SNTG1: variants seen among roughly 807,000 people sequenced by gnomAD.
SNTG1 encodes the protein gamma-1-syntrophin.
A neutral mutation model predicts 74.7 loss-of-function variants in SNTG1; 39 were observed. The ratio of observed to expected loss-of-function variants is 0.52; its 90% confidence interval spans 0.40 to 0.68. The LOEUF is 0.68. Among genes scored for constraint, SNTG1 ranks in the 30% least tolerant of loss-of-function variants. SNTG1 has a pLI of 0.00. For synonymous variants in SNTG1, 254 were observed against 217.1 expected (o/e 1.17, Z -1.49); for missense variants, 685 against 609.5 (o/e 1.12, Z -1.30).
chr8:50,732,491 C>A (rs2095515320), intron 17 of SNTG1, among the ~76,000 whole-genome samples: 1 of 151,818 alleles, frequency 6.6e-6, no homozygotes, highest in African/African-American at 2.4e-5. Context: ...CTACATAATA[C>A]TCATCAGCAT....
At chr8:50,509,698 T>G (rs147008430) in intron 9 of SNTG1, among the ~76,000 whole-genome samples, 3 of 152,022 alleles carry the variant, frequency 2.0e-5, no homozygotes, top group South Asian at 4.1e-4. Flanking sequence ...GGAGTTCACT[T>G]ATGATTTGGC....
rs532262138 is a variant in SNTG1 at position 50,038,745 on chromosome 8, G to T, written c.-103+126514G>T. On this transcript the variant is annotated intron_variant, in intron 1 of 18. Coordinates refer to ENST00000642720, the MANE Select transcript of SNTG1 (RefSeq NM_018967.5). Reference sequence around the variant, plus strand: ...AGAAGTGTCTCCCACCTGTGAGTCAGATCTACTGACACAGATATAAAGACA... The same window carrying T: ...AGAAGTGTCTCCCACCTGTGAGTCATATCTACTGACACAGATATAAAGACA... 3.3e-5 allele frequency among the ~76,000 whole-genome samples: 5 copies of T among 152,290 alleles called. No homozygotes were observed. In the South Asian group the frequency reaches 1.0e-3, roughly 32 times the overall value.
chr8:50,098,131 A>G (rs2079996166), intron 1 of SNTG1, among the ~76,000 whole-genome samples: 1 of 152,158 alleles, frequency 6.6e-6, no homozygotes, highest in Non-Finnish European at 1.5e-5. Context: ...AGACATAAAA[A>G]TATTTATCTT....
intron 8 of SNTG1, among the ~76,000 whole-genome samples, chr8:50,484,978 G>A (rs575297683): frequency 6.0e-4 from 91 of 152,176 alleles, no homozygotes; most frequent in African/African-American, 1.9e-3. Flanking sequence ...CATTTCATGC[G>A]CAATGATTGC....
intron 9 of SNTG1, among the ~76,000 whole-genome samples, chr8:50,507,136 AT>A (rs1006402227): frequency 1.3e-5 from 2 of 151,362 alleles, no homozygotes; most frequent in Non-Finnish European, 2.9e-5. Flanking sequence ...ACATAGATAG[AT>A]TTTTTTTCAT....
intron 2 of SNTG1, among the ~76,000 whole-genome samples, chr8:50,271,951 C>A (rs889413903): frequency 3.3e-5 from 5 of 152,050 alleles, no homozygotes; most frequent in African/African-American, 9.7e-5. Flanking sequence ...ATAAAAGAGA[C>A]CCCAGGGAGC....
chr8:50,147,726 C>T (rs1466138668), intron 1 of SNTG1, among the ~76,000 whole-genome samples: 1 of 152,130 alleles, frequency 6.6e-6, no homozygotes, highest in East Asian at 1.9e-4. Context: ...ATAACAGATA[C>T]AGACAGATAC....
At chr8:50,791,110 G>A (rs2095689529) in intron 18 of SNTG1, among the ~76,000 whole-genome samples, 1 of 151,896 alleles carries the variant, frequency 6.6e-6, no homozygotes, top group Non-Finnish European at 1.5e-5. Flanking sequence ...TGGGAAGATA[G>A]AGAAAGTATT....
At chr8:50,503,515 T>C (rs1460059307) in intron 9 of SNTG1, among the ~76,000 whole-genome samples, 2 of 152,196 alleles carry the variant, frequency 1.3e-5, no homozygotes, top group African/African-American at 4.8e-5. Context: ...CTTACAATCA[T>C]AAAACTGTTC....
intron 17 of SNTG1, among the ~76,000 whole-genome samples, chr8:50,743,385 G>T (rs902438009): frequency 1.3e-5 from 2 of 151,760 alleles, no homozygotes; most frequent in African/African-American, 4.8e-5. Context: ...CACCTTAATA[G>T]AATGAAGTTT....
chr8:50,780,727 AT>A (rs2095656723), intron 18 of SNTG1, among the ~76,000 whole-genome samples: 1 of 151,628 alleles, frequency 6.6e-6, no homozygotes. Flanking sequence ...GATTTTAGTT[AT>A]TTCTTGCCTT....
chr8:50,732,690 T>C (rs2095515766), intron 17 of SNTG1, among the ~76,000 whole-genome samples: 1 of 151,872 alleles, frequency 6.6e-6, no homozygotes, highest in Non-Finnish European at 1.5e-5. Context: ...TGTACTAAAA[T>C]TTTACAACGT....
At chr8:49,971,808 G>A (rs556403091) in intron 1 of SNTG1, among the ~76,000 whole-genome samples, 2 of 152,136 alleles carry the variant, frequency 1.3e-5, no homozygotes, top group Non-Finnish European at 2.9e-5. Flanking sequence ...CAGCTTACAA[G>A]GGAAGTGAAG....
intron 1 of SNTG1, among the ~76,000 whole-genome samples, chr8:50,022,792 A>C (rs1816940215): frequency 6.6e-6 from 1 of 152,164 alleles, no homozygotes; most frequent in South Asian, 2.1e-4. Context: ...CAAAATGCAC[A>C]GTTCTTGGTT....
At chr8:50,152,108 T>C (rs1461245520) in intron 1 of SNTG1, among the ~76,000 whole-genome samples, 1 of 152,208 alleles carries the variant, frequency 6.6e-6, no homozygotes, top group African/African-American at 2.4e-5. Context: ...ATTGGGTGCA[T>C]ATATATTTAA....
intron 2 of SNTG1, among the ~76,000 whole-genome samples, chr8:50,354,409 T>C (rs1399108272): frequency 1.3e-5 from 2 of 152,178 alleles, no homozygotes; most frequent in Non-Finnish European, 2.9e-5. Context: ...TTTTTCCATT[T>C]TTTGTACTAG....
At chr8:50,282,882 A>T (rs1250126001) in intron 2 of SNTG1, among the ~76,000 whole-genome samples, 1 of 152,230 alleles carries the variant, frequency 6.6e-6, no homozygotes, top group East Asian at 1.9e-4. Flanking sequence ...CAATGTTACC[A>T]ATTGTGTCCT....
intron 4 of SNTG1, among the ~76,000 whole-genome samples, chr8:50,427,875 A>C (rs993885795): frequency 1.3e-5 from 2 of 152,258 alleles, no homozygotes; most frequent in African/African-American, 4.8e-5. Flanking sequence ...TTTGTCTCAC[A>C]CAGCCTTTTA....
At chr8:50,486,003 G>T (rs2093789760) in intron 8 of SNTG1, among the ~76,000 whole-genome samples, 1 of 152,102 alleles carries the variant, frequency 6.6e-6, no homozygotes, top group Non-Finnish European at 1.5e-5. Flanking sequence ...TTATTTCTGA[G>T]GGCTCTGTTC....
Sources: allele counts gnomAD v4.1 joint callset (sites outside exome capture counted in the v4.1 genomes callset), GRCh38; gene constraint gnomAD v4.1.1; transcripts MANE v1.5; gene names NCBI Gene and HGNC (gene_info 2026-07-23, HGNC 2026-07-21).